The following HIBCH variants were observed in gnomAD, a reference collection of about 807,000 sequenced individuals.
HIBCH encodes the protein 3-hydroxyisobutyryl-CoA hydrolase, mitochondrial.
Under a neutral mutation model 58.2 loss-of-function variants are expected in HIBCH, and 50 were observed. That is an observed-to-expected ratio of 0.86 (90% CI 0.68 to 1.09). The LOEUF (loss-of-function observed/expected upper bound fraction) is 1.09, where lower values mean the gene tolerates loss of function less well. HIBCH is among the 50% of genes least tolerant of loss of function. The pLI is 0.00. For synonymous variants in HIBCH, 151 were observed against 146.9 expected (o/e 1.03, Z -0.20); for missense variants, 450 against 449.7 (o/e 1.00, Z -0.01).
intron 2 of HIBCH, among the ~76,000 whole-genome samples, chr2:190,310,349 C>T (rs1301006910): frequency 6.6e-6 from 1 of 152,206 alleles, no homozygotes; most frequent in African/African-American, 2.4e-5. Flanking sequence ...AATAAACTCC[C>T]TTTCATATAT....
rs1413194024 is a variant in HIBCH at position 190,294,020 on chromosome 2, G to GTATATATATATA, written c.304+525_304+526insTATATATATATA. Among the ~76,000 whole-genome samples the GTATATATATATA allele has an allele frequency of 2.0e-3, 255 of 125,740 alleles. 3 individuals carry two copies. The highest frequency in any genetic ancestry group is 5.0e-3 in the Admixed American group (57 of 11,384). 82.5% of individuals were successfully genotyped at this position (125,740 alleles called of 152,430 possible). ...ATATATTTTGTAATATATATTTTGT[G>GTATATATATATA]TGTATATATATATATATATATATAT... On this transcript the variant is annotated intron_variant, in intron 4 of 13. Transcript: ENST00000359678.
intron 11 of HIBCH, among the ~76,000 whole-genome samples, chr2:190,224,212 C>G (rs1204228568): frequency 6.6e-6 from 1 of 152,202 alleles, no homozygotes; most frequent in Admixed American, 6.5e-5. Context: ...GGGGAAGGGG[C>G]GTCGGCCATT....
At chr2:190,307,780 T>C (rs1304466984) in intron 2 of HIBCH, among the ~76,000 whole-genome samples, 1 of 152,248 alleles carries the variant, frequency 6.6e-6, no homozygotes. Context: ...CAGATAGAAA[T>C]GAGGCCTCAC....
At chr2:190,222,073 C>T (rs1280596406) in intron 11 of HIBCH, among the ~76,000 whole-genome samples, 1 of 152,130 alleles carries the variant, frequency 6.6e-6, no homozygotes, top group Non-Finnish European at 1.5e-5. Context: ...CAGCAGATGG[C>T]AAAGCTAAAA....
intron 11 of HIBCH, among the ~76,000 whole-genome samples, chr2:190,232,749 G>A (rs992849595): frequency 6.6e-6 from 1 of 152,132 alleles, no homozygotes. Context: ...CCGAGGTCAG[G>A]AGATCGAGAC....
intron 12 of HIBCH, among the ~76,000 whole-genome samples, chr2:190,212,661 TCA>T (rs1690539998): frequency 6.6e-6 from 1 of 152,218 alleles, no homozygotes; most frequent in African/African-American, 2.4e-5. Flanking sequence ...TTGCCCAAGG[TCA>T]CAGAGACCAT....
At chr2:190,196,203 TC>T (rs1689969123) in intron 1 of HIBCH, among the ~76,000 whole-genome samples, 1 of 152,098 alleles carries the variant, frequency 6.6e-6, no homozygotes, top group Non-Finnish European at 1.5e-5. Flanking sequence ...ATTCCTTTCC[TC>T]ATAAGTCATA....
intron 11 of HIBCH, among the ~76,000 whole-genome samples, chr2:190,223,436 A>G (rs1234227887): frequency 2.6e-5 from 4 of 152,142 alleles, no homozygotes; most frequent in Non-Finnish European, 5.9e-5. Context: ...CCTTAGCTCC[A>G]AGAACAATGC....
At chr2:190,202,076 T>G (rs936203391), downstream of HIBCH, 1 of 166,948 alleles carries the variant, frequency 6.0e-6, no homozygotes, top group Admixed American at 6.6e-5. Context: ...ACAAGTGAGT[T>G]TTGGTTGTAT....
At chr2:190,194,207 T>C (rs1252425264) in intron 1 of HIBCH, among the ~76,000 whole-genome samples, 2 of 152,172 alleles carry the variant, frequency 1.3e-5, no homozygotes, top group African/African-American at 4.8e-5. Context: ...TTGATAAGAA[T>C]ATGTAATAGT....
At chr2:190,247,024 T>G in intron 9 of HIBCH, among the ~76,000 whole-genome samples, 1 of 152,058 alleles carries the variant, frequency 6.6e-6, no homozygotes. Context: ...TTTAAACCTG[T>G]GCCATTGTAG....
intron 12 of HIBCH, 33 bp downstream of exon 12, chr2:190,212,923 C>G (rs1319250865): frequency 1.3e-6 from 2 of 1,575,034 alleles, no homozygotes; most frequent in Middle Eastern, 2.2e-4. Flanking sequence ...ACTTTTAGAA[C>G]TAAAAAATGA....
At chr2:190,276,723 C>T (rs1687562862) in intron 6 of HIBCH, among the ~76,000 whole-genome samples, 1 of 152,196 alleles carries the variant, frequency 6.6e-6, no homozygotes, top group African/African-American at 2.4e-5. Flanking sequence ...CTTGCACACC[C>T]TGCAGAACTG....
In HIBCH at chr2:190,251,538, T is replaced by C. The variant is rs79168954; in HGVS notation, c.663+624A>G. On this transcript the variant is annotated intron_variant, in intron 8 of 13. Transcript: ENST00000359678. The stretch of plus-strand genomic sequence containing the variant: ...GTAACACAAGGAGTTTCAACTACTA[T>C]GTAATAGTGTCATCTCCATTCTGCA... The C allele has an allele frequency of 2.8e-3, 1,261 of 449,986 alleles. 15 individuals are homozygous for C. The highest frequency in any genetic ancestry group is 0.022 in the African/African-American group (1,063 of 48,666). 27.9% of individuals were successfully genotyped at this position (449,986 alleles called of 1,614,324 possible).
intron 1 of HIBCH, among the ~76,000 whole-genome samples, chr2:190,193,060 G>A (rs1043516189): frequency 6.6e-6 from 1 of 152,052 alleles, no homozygotes; most frequent in Non-Finnish European, 1.5e-5. Flanking sequence ...TCATGAGAAT[G>A]ACTATTGCTG....
At chr2:190,283,515 G>C (rs926915869) in intron 6 of HIBCH, among the ~76,000 whole-genome samples, 2 of 152,116 alleles carry the variant, frequency 1.3e-5, no homozygotes, top group South Asian at 4.1e-4. Context: ...ACATTTCCTT[G>C]CTGAGAATTA....
chr2:190,293,975 A>C (rs1688029862), intron 4 of HIBCH, among the ~76,000 whole-genome samples: 1 of 148,944 alleles, frequency 6.7e-6, no homozygotes, highest in South Asian at 2.1e-4. Context: ...ATGTTTAAAC[A>C]CGTAAAATAT....
chr2:190,300,433 T>A (rs1452027906), intron 2 of HIBCH, among the ~76,000 whole-genome samples: 1 of 152,210 alleles, frequency 6.6e-6, no homozygotes, highest in African/African-American at 2.4e-5. Context: ...GAGCTTTTTT[T>A]TTTTTAATAT....
rs190272118 is a variant in HIBCH at position 190,247,986 on chromosome 2, C to T, written c.750+1654G>A. On this transcript the variant is annotated intron_variant, in intron 9 of 13. Coordinates refer to ENST00000359678, the MANE Select transcript of HIBCH (RefSeq NM_014362.4). ...AACATTCATGTGACTAGCTTTATTGCCATGGTGTGGAACCAAATTCAGATT... is the reference window on the plus strand; with the variant it reads ...AACATTCATGTGACTAGCTTTATTGTCATGGTGTGGAACCAAATTCAGATT... 1.6e-3 allele frequency among the ~76,000 whole-genome samples: 249 copies of T among 152,280 alleles called. 1 individual carries two copies. Among genetic ancestry groups the T allele is most frequent in the Non-Finnish European group, 2.9e-3 (200 of 68,022 alleles).
Sources: gnomAD v4.1 joint callset for allele counts (sites outside exome capture counted in the v4.1 genomes callset) on GRCh38, gnomAD v4.1.1 for gene constraint, MANE v1.5 for transcripts, NCBI Gene and HGNC (gene_info 2026-07-23, HGNC 2026-07-21) for gene names.